Variants in EFHD2 observed in about 807,000 individuals in gnomAD.
The protein encoded by EFHD2 is EF-hand domain family member D2, also known as EF-hand domain-containing protein D2.
Under a neutral mutation model 20.3 loss-of-function variants are expected in EFHD2, and 12 were observed. The ratio of observed to expected loss-of-function variants is 0.59; its 90% CI spans 0.38 to 0.96. EFHD2 has a LOEUF of 0.96. Among genes scored for constraint, EFHD2 ranks in the 40% least tolerant of loss-of-function variants. The pLI is 0.00. For missense variants in EFHD2, 250 were observed against 334.3 expected (o/e 0.75, Z 1.97); for synonymous variants, 131 against 143.9 (o/e 0.91, Z 0.64).
In EFHD2 at chr1:15,428,904, C is replaced by T; in HGVS notation, c.*180C>T. Reference sequence around the variant, plus strand: ...AGGTGGCCCGGCCCCTCCCCGCTCCCTTCCACTCTGCACGAGGCCGCCACA... The same window carrying T: ...AGGTGGCCCGGCCCCTCCCCGCTCCTTTCCACTCTGCACGAGGCCGCCACA... On this transcript the variant is annotated 3_prime_UTR_variant, in exon 4 of 4. Coordinates refer to ENST00000375980, the MANE Select transcript of EFHD2 (RefSeq NM_024329.6). 2.2e-6 allele frequency: 2 copies of T among 926,910 alleles called. No homozygotes were observed. Among genetic ancestry groups the T allele is most frequent in the Non-Finnish European group, 1.6e-6 (1 of 631,528 alleles). The allele number at this position is 926,910 out of a possible 1,614,324, so 57.4% of individuals were successfully genotyped here. A position where few individuals can be genotyped will look rare whatever the true frequency, so the allele number is the denominator to read the frequency against.
intron 1 of EFHD2, among the ~76,000 whole-genome samples, chr1:15,424,817 C>A (rs572399257): frequency 6.8e-4 from 103 of 152,276 alleles, no homozygotes; most frequent in African/African-American, 2.3e-3. Context: ...ATGAAATAGA[C>A]CCCCCAGTAC....
chr1:15,410,406 C>A, intron 1 of EFHD2, 127 bp downstream of exon 1: 1 of 1,211,684 alleles, frequency 8.3e-7, no homozygotes, highest in Non-Finnish European at 1.1e-6. Flanking sequence ...CGAACCCAGA[C>A]GCACCGGGGT....
intron 1 of EFHD2, among the ~76,000 whole-genome samples, chr1:15,412,448 A>T (rs1473849406): frequency 6.6e-6 from 1 of 152,238 alleles, no homozygotes; most frequent in Non-Finnish European, 1.5e-5. Context: ...TGATAGAGCC[A>T]GGACTGAAAC....
chr1:15,425,767 G>A, intron 1 of EFHD2, 104 bp from the exon 2 acceptor site: 1 of 1,476,544 alleles, frequency 6.8e-7, no homozygotes, highest in Non-Finnish European at 9.1e-7. Flanking sequence ...GGGATTTTAT[G>A]GTTGGTAGGA....
Position 15,410,256 on chromosome 1 carries a change from G to A in EFHD2, c.285G>A (p.Lys95=). ...EFKEFSRKQI[K]DMEKMFKQYD... is the part of the protein sequence containing the mutation. Reference sequence around the variant, plus strand: ...AGGAGTTCTCCAGGAAGCAGATCAAGGACATGGAGAAGATGTTCAAGCAGT... The same window carrying A: ...AGGAGTTCTCCAGGAAGCAGATCAAAGACATGGAGAAGATGTTCAAGCAGT... The change falls in exon 1 of 4, where the codon AAG becomes AAA. Residue 95 remains lysine (K), a synonymous_variant. Coordinates refer to ENST00000375980, the MANE Select transcript of EFHD2 (RefSeq NM_024329.6). The A allele has an allele frequency of 6.2e-7, 1 of 1,601,668 alleles. No individual in the cohort carries two copies. Among genetic ancestry groups the A allele is most frequent in the Non-Finnish European group, 8.5e-7 (1 of 1,175,160 alleles).
chr1:15,427,175 C>A lies in EFHD2; in HGVS notation c.482C>A (p.Ala161Glu). The A allele has an allele frequency of 6.2e-7, 1 of 1,610,864 alleles. No individual in the cohort carries two copies. The change falls in exon 3 of 4, where the codon GCG (alanine) becomes GAG (glutamate). Residue 161 changes from alanine (A) to glutamate (E), a missense_variant. This residue lies in a region of EFHD2 where 100 missense variants were observed against 116.2 expected (regional missense o/e 0.86). Coordinates refer to ENST00000375980, the MANE Select transcript of EFHD2 (RefSeq NM_024329.6). Reference sequence around the variant, plus strand: ...TTCCTCCTGATCTTCCGCAAGGCGGCGGCCGGGGAGCTTCAGGAGGACAGC... The same window carrying A: ...TTCCTCCTGATCTTCCGCAAGGCGGAGGCCGGGGAGCTTCAGGAGGACAGC... ...REFLLIFRKA[A>E]AGELQEDSGL...
intron 1 of EFHD2, among the ~76,000 whole-genome samples, chr1:15,414,084 A>C (rs1024475109): frequency 2.0e-5 from 3 of 152,184 alleles, no homozygotes; most frequent in Admixed American, 2.0e-4. Context: ...GTAAGTTGAG[A>C]CCTGCTGGAA....
At chr1:15,427,330 G>C (rs369946882) in intron 3 of EFHD2, 46 bp downstream of exon 3, 3 of 1,575,692 alleles carry the variant, frequency 1.9e-6, no homozygotes, top group Non-Finnish European at 2.6e-6. Flanking sequence ...AGGACAAGGG[G>C]ACCCTGGGTT....
Position 15,425,944 on chromosome 1 carries a change from C to G in EFHD2, c.382C>G (p.Gln128Glu). ...CATGATGGAGAAACTTGGGGCCCCT[C>G]AGACCCACCTGGGCCTGAAAAACAT... The part of the protein sequence containing the change: ...KLMMEKLGAP[Q>E]THLGLKNMIK... Residue 128 changes from glutamine (Q) to glutamate (E), a missense_variant, in exon 2 of 4, where the codon CAG (glutamine) becomes GAG (glutamate). Coordinates refer to ENST00000375980, the MANE Select transcript of EFHD2 (RefSeq NM_024329.6). 6.2e-7 allele frequency: 1 copy of G among 1,604,948 alleles called. No individual in the cohort carries two copies. Among genetic ancestry groups the G allele is most frequent in the Non-Finnish European group, 8.5e-7 (1 of 1,176,424 alleles).
At chr1:15,424,692 C>A (rs1453519607) in intron 1 of EFHD2, among the ~76,000 whole-genome samples, 1 of 152,194 alleles carries the variant, frequency 6.6e-6, no homozygotes, top group Admixed American at 6.5e-5. Flanking sequence ...AAGGCAGAGG[C>A]CCTGCCTTAG....
At chr1:15,421,117 A>G (rs1245823047) in intron 1 of EFHD2, among the ~76,000 whole-genome samples, 1 of 152,126 alleles carries the variant, frequency 6.6e-6, no homozygotes, top group Non-Finnish European at 1.5e-5. Flanking sequence ...TTTGATCTCC[A>G]TGATGTAGAT....
At chr1:15,417,155 G>A (rs941595320) in intron 1 of EFHD2, among the ~76,000 whole-genome samples, 2 of 152,130 alleles carry the variant, frequency 1.3e-5, no homozygotes, top group African/African-American at 2.4e-5. Flanking sequence ...GCACACTGAC[G>A]TTTAAGAAGC....
At chr1:15,412,339 C>T (rs1444863869) in intron 1 of EFHD2, among the ~76,000 whole-genome samples, 1 of 152,138 alleles carries the variant, frequency 6.6e-6, no homozygotes, top group Non-Finnish European at 1.5e-5. Context: ...CTGAGGCGCT[C>T]ACCAGGTCCC....
rs532184149 is a variant in EFHD2 at position 15,424,121 on chromosome 1, G to A, written c.309-1750G>A. ...GCGGGAGGATCGCTTGAGCCCAGGA[G>A]GTAGAGGCTGCAGTAAGCTGTGATC... On this transcript the variant is annotated intron_variant, in intron 1 of 3. Coordinates refer to ENST00000375980, the MANE Select transcript of EFHD2 (RefSeq NM_024329.6). Among the ~76,000 whole-genome samples, 127 of 151,958 alleles carry A rather than the reference G, an allele frequency of 8.4e-4. 1 individual carries two copies. The highest frequency in any genetic ancestry group is 2.8e-3 in the African/African-American group (114 of 41,424).
At position 15,422,381 on chromosome 1, in the gene EFHD2, G is replaced by A. The variant is rs565227510; in HGVS notation, c.309-3490G>A. Among the ~76,000 whole-genome samples, 17 of 151,662 alleles carry A rather than the reference G, an allele frequency of 1.1e-4. No individual in the cohort carries two copies. The South Asian group carries it at 2.9e-3, about 26-fold the overall frequency. ...GCTGGGATTATAGGCGTGAGCCACC[G>A]TGCCCAGCTGGCCAGGTCATTCTTT... is the stretch of plus-strand genomic sequence containing the variant. On this transcript the variant is annotated intron_variant, in intron 1 of 3. Coordinates refer to ENST00000375980, the MANE Select transcript of EFHD2 (RefSeq NM_024329.6).
intron 3 of EFHD2, chr1:15,428,076 A>C (rs547393699): frequency 4.5e-5 from 20 of 446,682 alleles, no homozygotes; most frequent in Middle Eastern, 3.4e-4. Flanking sequence ...GTTCTAAGTG[A>C]GGAAACTGAG....
intron 1 of EFHD2, among the ~76,000 whole-genome samples, chr1:15,420,503 A>G (rs1013275004): frequency 5.3e-5 from 8 of 151,924 alleles, no homozygotes; most frequent in African/African-American, 1.9e-4. Flanking sequence ...CACCACGCCC[A>G]GCTAATTATT....
rs1039405571 is a variant in EFHD2, at chr1:15,426,793, G to T, written c.457-357G>T. Among the ~76,000 whole-genome samples, 1 of 152,176 alleles carries T rather than the reference G, an allele frequency of 6.6e-6. No individual in the cohort carries two copies. The highest frequency in any genetic ancestry group is 2.4e-5 in the African/African-American group (1 of 41,442). On this transcript the variant is annotated intron_variant, in intron 2 of 3. Transcript: ENST00000375980. The surrounding 1 kb of genome is among the most constrained non-coding windows in gnomAD (Gnocchi z 4.6). ...ACTGTCATGGAGGCTCCCTCATTCT[G>T]TCATGACACCTGTAGGACTCAATAC...
rs1322872847 is a variant in EFHD2 at position 15,429,840 on chromosome 1, C to T, written c.*1116C>T. Reference sequence around the variant, plus strand: ...CCGTGGTCAGGCCCAGGCCACCGGCCGGGTTCTGCCACAGCTTCCCACGTG... The same window carrying T: ...CCGTGGTCAGGCCCAGGCCACCGGCTGGGTTCTGCCACAGCTTCCCACGTG... On this transcript the variant is annotated 3_prime_UTR_variant, in exon 4 of 4. Transcript: ENST00000375980. 3 of 152,758 alleles carry T rather than the reference C, an allele frequency of 2.0e-5. No individual in the cohort carries two copies. Among genetic ancestry groups the T allele is most frequent in the South Asian group, 2.1e-4 (1 of 4,838 alleles). The allele number at this position is 152,758 out of a possible 1,614,324, so 9.5% of individuals were successfully genotyped here.
Sources: gnomAD v4.1 joint callset for allele counts (sites outside exome capture counted in the v4.1 genomes callset) on GRCh38, gnomAD v4.1.1 for gene constraint, gnomAD v4.1.1 regional missense constraint, Gnocchi (gnomAD v3.1) non-coding constraint, MANE v1.5 for transcripts, NCBI Gene and HGNC (gene_info 2026-07-23, HGNC 2026-07-21) for gene names.